TIMP2: variants seen among roughly 807,000 people sequenced by gnomAD.
TIMP2 encodes the protein TIMP metallopeptidase inhibitor 2, also known as metalloproteinase inhibitor 2.
A neutral mutation model predicts 24.3 loss-of-function variants in TIMP2; 5 were observed. The observed-to-expected ratio is 0.21, with a 90% CI of 0.11 to 0.43. The LOEUF (loss-of-function observed/expected upper bound fraction) is 0.43. Among genes scored for constraint, TIMP2 ranks in the 20% least tolerant of loss-of-function variants. The pLI is 1.00. For missense variants in TIMP2, 221 were observed against 297.5 expected, an observed-to-expected ratio of 0.74 and a Z score of 1.89; for synonymous variants, 130 against 123.2, an observed-to-expected ratio of 1.06 and a Z score of -0.37.
chr17:78,860,506 G>C (rs2145746078), intron 3 of TIMP2, among the ~76,000 whole-genome samples: 1 of 152,352 alleles, frequency 6.6e-6, no homozygotes. Flanking sequence ...GCTCCAAGCA[G>C]ACACAAGTGG....
intron 3 of TIMP2, among the ~76,000 whole-genome samples, chr17:78,864,333 C>CCCTCCCTCCTTCCCTT (rs1267080550): frequency 1.2e-4 from 18 of 151,168 alleles, no homozygotes; most frequent in Non-Finnish European, 1.8e-4. Flanking sequence ...TCCCTTCACT[C>CCCTCCCTCCTTCCCTT]CCTCCCTCCT....
intron 3 of TIMP2, among the ~76,000 whole-genome samples, chr17:78,860,181 CA>C (rs557567484): frequency 6.6e-6 from 1 of 150,980 alleles, no homozygotes; most frequent in African/African-American, 2.4e-5. Context: ...GTCTTCAAAA[CA>C]AAAAAAACAA....
chr17:78,870,807 C>T, intron 3 of TIMP2, 91 bp downstream of exon 3: 6 of 1,099,328 alleles, frequency 5.5e-6, no homozygotes, highest in Non-Finnish European at 6.6e-6. Context: ...GCCTCCCCAC[C>T]CCCCGAGCCT....
At chr17:78,890,162 G>C (rs2069866593) in intron 1 of TIMP2, among the ~76,000 whole-genome samples, 1 of 151,186 alleles carries the variant, frequency 6.6e-6, no homozygotes, top group African/African-American at 2.4e-5. Flanking sequence ...AAGAGTCCCT[G>C]TGAGGGAATG....
intron 1 of TIMP2, among the ~76,000 whole-genome samples, chr17:78,909,375 A>T (rs1599174330): frequency 6.6e-6 from 1 of 151,626 alleles, no homozygotes; most frequent in Non-Finnish European, 1.5e-5. Context: ...AAAAAAGATA[A>T]ATCAAGGAGC....
In TIMP2 at chr17:78,925,008, G is replaced by T; in HGVS notation, c.81C>A (p.Cys27Ter). Residue 27 changes from cysteine (C) to a stop codon, truncating the protein, a stop_gained, in exon 1 of 5, where the codon TGC becomes TGA. Coordinates refer to ENST00000262768, the MANE Select transcript of TIMP2 (RefSeq NM_003255.5). LOFTEE classifies it high-confidence loss of function. ...LATLLRPADA[C>*]SCSPVHPQQA... is the part of the protein sequence containing the mutation. ...GTTGCGGGTGCACCGGGGAGCAGCT[G>T]CAGGCGTCGGCCGGGCGAAGCAGCG... 7.7e-7 allele frequency: 1 copy of T among 1,291,514 alleles called. No homozygotes were observed. The allele number at this position is 1,291,514 out of a possible 1,614,324, so 80.0% of individuals were successfully genotyped here.
chr17:78,880,513 C>A (rs1286777701), intron 1 of TIMP2, among the ~76,000 whole-genome samples: 2 of 149,572 alleles, frequency 1.3e-5, no homozygotes, highest in East Asian at 3.9e-4. Context: ...ATAGCAATAC[C>A]TCATCTATAA....
intron 1 of TIMP2, among the ~76,000 whole-genome samples, chr17:78,911,965 G>A (rs1454680507): frequency 6.6e-6 from 1 of 150,678 alleles, no homozygotes; most frequent in Non-Finnish European, 1.5e-5. Flanking sequence ...TGGGGAGGCT[G>A]AGGCAGGAGA....
At chr17:78,874,518 G>A (rs2069712545) in intron 1 of TIMP2, among the ~76,000 whole-genome samples, 1 of 152,138 alleles carries the variant, frequency 6.6e-6, no homozygotes, top group African/African-American at 2.4e-5. Context: ...TCTTACATCT[G>A]GAAAGGTCTA....
intron 1 of TIMP2, among the ~76,000 whole-genome samples, chr17:78,875,029 C>T (rs1006376442): frequency 1.3e-5 from 2 of 152,198 alleles, no homozygotes; most frequent in Non-Finnish European, 2.9e-5. Context: ...GCATGAGCTA[C>T]AGTGCCCAAC....
At chr17:78,880,974 G>A (rs186459397) in intron 1 of TIMP2, among the ~76,000 whole-genome samples, 1 of 152,352 alleles carries the variant, frequency 6.6e-6, no homozygotes, top group African/African-American at 2.4e-5. Context: ...CATAGCGCCT[G>A]TCTCGGCTAC....
At chr17:78,861,596 G>A (rs866260259) in intron 3 of TIMP2, among the ~76,000 whole-genome samples, 1 of 150,496 alleles carries the variant, frequency 6.6e-6, no homozygotes, top group Non-Finnish European at 1.5e-5. Context: ...AGTGAAAATT[G>A]TATTTTTTCT....
intron 3 of TIMP2, 143 bp from the exon 4 acceptor site, chr17:78,857,789 G>A: frequency 8.8e-7 from 1 of 1,139,766 alleles, no homozygotes; most frequent in Non-Finnish European, 1.2e-6. Context: ...ACAGTGGGTG[G>A]CCAGGCACGG....
chr17:78,859,229 A>C (rs1371583544), intron 3 of TIMP2, among the ~76,000 whole-genome samples: 2 of 152,142 alleles, frequency 1.3e-5, no homozygotes, highest in African/African-American at 4.8e-5. Context: ...CCGGCTCCTG[A>C]CTCAGCTGCC....
intron 3 of TIMP2, among the ~76,000 whole-genome samples, chr17:78,862,918 T>C (rs557127514): frequency 1.3e-5 from 2 of 152,378 alleles, no homozygotes; most frequent in African/African-American, 4.8e-5. Context: ...CTGCGTAGTA[T>C]TCCGTAGTAT....
intron 2 of TIMP2, among the ~76,000 whole-genome samples, chr17:78,872,743 G>C (rs979051163): frequency 6.6e-6 from 1 of 152,122 alleles, no homozygotes; most frequent in African/African-American, 2.4e-5. Flanking sequence ...CAGGCACTGA[G>C]AGACTAGGTC....
Position 78,891,531 on chromosome 17 carries a change from G to C in TIMP2, c.131-17612C>G, listed in dbSNP as rs746001919. Reference sequence around the variant, plus strand: ...TCCCGGAGCGTGCACTGAGATGCTGGGGACACGGCTTCCCTTCTGCAGCTG... The same window carrying C: ...TCCCGGAGCGTGCACTGAGATGCTGCGGACACGGCTTCCCTTCTGCAGCTG... On this transcript the variant is annotated intron_variant, in intron 1 of 4. Coordinates refer to ENST00000262768, the MANE Select transcript of TIMP2 (RefSeq NM_003255.5). This position sits in a 1 kb window ranked among gnomAD's most constrained non-coding sequence, Gnocchi z 4.5. The C allele has an allele frequency of 1.4e-5, 22 of 1,550,940 alleles. No individual in the cohort carries two copies. In the South Asian group the frequency reaches 2.6e-4, roughly 18 times the overall value.
chr17:78,879,896 C>A (rs9906891), intron 1 of TIMP2, among the ~76,000 whole-genome samples: 7 of 151,860 alleles, frequency 4.6e-5, no homozygotes, highest in Non-Finnish European at 7.4e-5. Context: ...CAATCCCGAG[C>A]GCACCCGCCA....
intron 3 of TIMP2, among the ~76,000 whole-genome samples, chr17:78,864,747 C>T (rs1170239443): frequency 2.6e-5 from 4 of 151,964 alleles, no homozygotes; most frequent in African/African-American, 7.3e-5. Flanking sequence ...AATGTATGCA[C>T]ATAAAAAGAA....
Sources: allele counts gnomAD v4.1 joint callset (sites outside exome capture counted in the v4.1 genomes callset), GRCh38; gene constraint gnomAD v4.1.1; non-coding constraint Gnocchi (gnomAD v3.1); transcripts MANE v1.5; gene names NCBI Gene and HGNC (gene_info 2026-07-23, HGNC 2026-07-21).